The following TMEM266 variants were observed in gnomAD, a reference collection of about 807,000 sequenced individuals.
The protein encoded by TMEM266 is transmembrane protein 266.
In TMEM266, 33 loss-of-function variants were observed where a neutral mutation model predicts 50.5. That is an observed-to-expected ratio of 0.65 (90% CI 0.50 to 0.87). The LOEUF (loss-of-function observed/expected upper bound fraction) is 0.87. TMEM266 is among the 40% of genes least tolerant of loss of function. The pLI is 0.00. For synonymous variants in TMEM266, 310 were observed against 292.3 expected, an observed-to-expected ratio of 1.06 and a Z score of -0.62; for missense variants, 655 against 695.1, an observed-to-expected ratio of 0.94 and a Z score of 0.65.
intron 1 of TMEM266, among the ~76,000 whole-genome samples, chr15:76,094,181 G>A (rs1195958144): frequency 6.6e-6 from 1 of 152,052 alleles, no homozygotes; most frequent in African/African-American, 2.4e-5. Context: ...TAGACATGAA[G>A]CCTTTGCCAT....
chr15:76,122,926 C>A (rs1484416069), intron 1 of TMEM266, among the ~76,000 whole-genome samples: 1 of 152,122 alleles, frequency 6.6e-6, no homozygotes, highest in African/African-American at 2.4e-5. Context: ...CGATAATTGT[C>A]CTTTTGGCTT....
In TMEM266 at chr15:76,179,113, C is replaced by T. The variant is rs1338893579; in HGVS notation, c.768+3439C>T. ...ATGGCTAGACCCTTGGAGACAGCAG[C>T]CCATGGAATGGTTGAGAATAGACTT... On this transcript the variant is annotated intron_variant, in intron 8 of 10. Coordinates refer to ENST00000388942, the MANE Select transcript of TMEM266 (RefSeq NM_152335.3). Among the ~76,000 whole-genome samples the T allele has an allele frequency of 2.0e-5, 3 of 152,212 alleles. No individual in the cohort carries two copies. The South Asian group carries it at 6.2e-4, about 32-fold the overall frequency.
At chr15:76,131,330 G>A (rs1482408591) in intron 1 of TMEM266, among the ~76,000 whole-genome samples, 1 of 152,232 alleles carries the variant, frequency 6.6e-6, no homozygotes. Flanking sequence ...TCACGCCTCT[G>A]CTCACTGCTC....
At chr15:76,136,035 C>T (rs2037583317) in intron 2 of TMEM266, among the ~76,000 whole-genome samples, 1 of 152,064 alleles carries the variant, frequency 6.6e-6, no homozygotes, top group Non-Finnish European at 1.5e-5. Flanking sequence ...CCTCCATCTC[C>T]CGGGTTCAAG....
intron 9 of TMEM266, 26 bp from the exon 10 acceptor site, chr15:76,202,176 A>AC: frequency 6.3e-7 from 1 of 1,596,548 alleles, no homozygotes; most frequent in African/African-American, 1.3e-5. Context: ...TGATGCACTC[A>AC]CCCTTCTCTG....
intron 1 of TMEM266, among the ~76,000 whole-genome samples, chr15:76,068,223 G>A (rs1310028614): frequency 6.6e-6 from 1 of 152,192 alleles, no homozygotes; most frequent in Admixed American, 6.5e-5. Flanking sequence ...CCCAACTTTG[G>A]GAGAGACCTG....
At chr15:76,061,504 C>T (rs1475311886) in intron 1 of TMEM266, among the ~76,000 whole-genome samples, 1 of 152,158 alleles carries the variant, frequency 6.6e-6, no homozygotes, top group Non-Finnish European at 1.5e-5. Context: ...GCGGCTGCTC[C>T]GTGTACCTTT....
In TMEM266 at chr15:76,126,374, C is replaced by CATATAT. The variant is rs61446223; in HGVS notation, c.-96-7772_-96-7767dup. Among the ~76,000 whole-genome samples, 1,266 of 137,728 alleles carry CATATAT rather than the reference C, an allele frequency of 9.2e-3. 22 individuals are homozygous for CATATAT. The highest frequency in any genetic ancestry group is 0.026 in the African/African-American group (976 of 37,598). The allele number at this position is 137,728 out of a possible 152,430, so 90.4% of individuals were successfully genotyped here. ...GTACACACACACACACACCCACAGA[C>CATATAT]ATATATATATATATATATATATATA... On this transcript the variant is annotated intron_variant, in intron 1 of 10. Coordinates refer to ENST00000388942, the MANE Select transcript of TMEM266 (RefSeq NM_152335.3).
At chr15:76,192,235 G>C in intron 9 of TMEM266, 78 bp downstream of exon 9, 4 of 1,284,246 alleles carry the variant, frequency 3.1e-6, no homozygotes, top group Non-Finnish European at 4.0e-6. Flanking sequence ...CCCCGGGACT[G>C]TGCGCAGAGT....
intron 9 of TMEM266, among the ~76,000 whole-genome samples, chr15:76,192,961 C>T (rs2038604066): frequency 6.6e-6 from 1 of 152,202 alleles, no homozygotes; most frequent in African/African-American, 2.4e-5. Flanking sequence ...CAGCTTCATC[C>T]AGGAGCCACT....
At chr15:76,181,374 G>T in intron 8 of TMEM266, 1 of 152,278 alleles carries the variant, frequency 6.6e-6, no homozygotes. Context: ...ACTTGGGGAG[G>T]GGTGCCTAGA....
At chr15:76,110,244 C>T (rs1276635574) in intron 1 of TMEM266, among the ~76,000 whole-genome samples, 1 of 151,918 alleles carries the variant, frequency 6.6e-6, no homozygotes, top group Non-Finnish European at 1.5e-5. Context: ...ACTTTGTGAT[C>T]CACCTGCCTC....
chr15:76,078,537 T>C (rs1472489442), intron 1 of TMEM266, among the ~76,000 whole-genome samples: 1 of 152,232 alleles, frequency 6.6e-6, no homozygotes, highest in Admixed American at 6.5e-5. Context: ...TGAAAATTGA[T>C]ACACAGCCTT....
At chr15:76,072,963 C>G (rs142112573) in intron 1 of TMEM266, among the ~76,000 whole-genome samples, 485 of 143,384 alleles carry the variant, frequency 3.4e-3, no homozygotes, top group African/African-American at 0.011. Context: ...TGGAGTTTTG[C>G]TCTTGTTGCC....
chr15:76,149,188 C>A (rs563642428), intron 3 of TMEM266, among the ~76,000 whole-genome samples: 1 of 152,232 alleles, frequency 6.6e-6, no homozygotes, highest in Non-Finnish European at 1.5e-5. Flanking sequence ...TCCCTGTAGG[C>A]ATTGGGTTGA....
At chr15:76,147,494 A>G (rs923551141) in intron 3 of TMEM266, among the ~76,000 whole-genome samples, 7 of 152,030 alleles carry the variant, frequency 4.6e-5, no homozygotes, top group African/African-American at 1.7e-4. Flanking sequence ...TGCCAGTGAG[A>G]TTTGTCTATA....
chr15:76,140,609 A>G (rs543794125), intron 3 of TMEM266, among the ~76,000 whole-genome samples: 213 of 152,266 alleles, frequency 1.4e-3, no homozygotes, highest in African/African-American at 4.9e-3. Flanking sequence ...GCTCCGTGAT[A>G]TTTCAGGGCT....
At chr15:76,144,622 A>G (rs2037730920) in intron 3 of TMEM266, among the ~76,000 whole-genome samples, 1 of 152,098 alleles carries the variant, frequency 6.6e-6, no homozygotes, top group African/African-American at 2.4e-5. Flanking sequence ...TCTGGCCTTC[A>G]CCACTCTACA....
In TMEM266 at chr15:76,102,895, GA is replaced by G. The variant is rs958696000; in HGVS notation, c.-96-31270del. ...TGTGGCTAGAGAGGTTAACACAGAG[GA>G]AAGAGGTGGGAGAAGCTGGCGAGGC... On this transcript the variant is annotated intron_variant, in intron 1 of 10. Transcript: ENST00000388942. 1.5e-4 allele frequency among the ~76,000 whole-genome samples: 23 copies of G among 151,322 alleles called. 1 individual carries two copies. The highest frequency in any genetic ancestry group is 2.9e-5 in the Non-Finnish European group (2 of 67,904).
Sources: allele counts gnomAD v4.1 joint callset (sites outside exome capture counted in the v4.1 genomes callset), GRCh38; gene constraint gnomAD v4.1.1; transcripts MANE v1.5; gene names NCBI Gene and HGNC (gene_info 2026-07-23, HGNC 2026-07-21).